TMCO4: variants seen among roughly 807,000 people sequenced by gnomAD.
TMCO4 encodes the protein transmembrane and coiled-coil domain-containing protein 4.
A neutral mutation model predicts 64.7 loss-of-function variants in TMCO4; 58 were observed. The observed-to-expected ratio is 0.90, with a 90% CI of 0.73 to 1.12. The LOEUF is 1.12. Ranked by LOEUF, TMCO4 falls within the 50% of genes most tolerant of loss-of-function variation. TMCO4 has a pLI of 0.00. For synonymous variants in TMCO4, 325 were observed against 346.1 expected (o/e 0.94, Z 0.68); for missense variants, 780 against 825.9 (o/e 0.94, Z 0.68).
intron 6 of TMCO4, among the ~76,000 whole-genome samples, chr1:19,759,960 T>C (rs2042424555): frequency 6.6e-6 from 1 of 152,182 alleles, no homozygotes; most frequent in Admixed American, 6.5e-5. Context: ...CAGGGTTCTG[T>C]GCTGTGGCCA....
intron 14 of TMCO4, among the ~76,000 whole-genome samples, chr1:19,695,828 A>C (rs2095232494): frequency 6.6e-6 from 1 of 152,160 alleles, no homozygotes; most frequent in South Asian, 2.1e-4. Flanking sequence ...TGTGTCCCGA[A>C]GTGAGATCAT....
chr1:19,760,412 G>A (rs1002848984), intron 6 of TMCO4, among the ~76,000 whole-genome samples: 2 of 151,986 alleles, frequency 1.3e-5, no homozygotes, highest in Non-Finnish European at 2.9e-5. Flanking sequence ...TTATTTCTCC[G>A]TATCTTTTTC....
At chr1:19,799,283 T>C (rs1480324441) in intron 1 of TMCO4, 1 of 152,292 alleles carries the variant, frequency 6.6e-6, no homozygotes, top group Non-Finnish European at 1.5e-5. Context: ...GGCCTCCTTG[T>C]AACATGAGGA....
intron 13 of TMCO4, among the ~76,000 whole-genome samples, chr1:19,717,865 A>T (rs1223675962): frequency 6.6e-6 from 1 of 152,104 alleles, no homozygotes; most frequent in Non-Finnish European, 1.5e-5. Context: ...TTTCTTAACT[A>T]GGTTGTAGGC....
chr1:19,753,047 C>T (rs2042089638), intron 7 of TMCO4, among the ~76,000 whole-genome samples: 2 of 151,870 alleles, frequency 1.3e-5, no homozygotes, highest in African/African-American at 4.8e-5. Flanking sequence ...GCAACCTCCG[C>T]CTCCTGGGTT....
In TMCO4 at chr1:19,694,464, C is replaced by T. The variant is rs374867779; in HGVS notation, c.1470G>A (p.Arg490=). The T allele has an allele frequency of 7.4e-5, 120 of 1,614,054 alleles. No individual in the cohort carries two copies. The highest frequency in any genetic ancestry group is 9.5e-5 in the Non-Finnish European group (112 of 1,179,994). The change falls in exon 15 of 16, where the codon AGG becomes AGA. Residue 490 remains arginine (R), a synonymous_variant. Coordinates refer to ENST00000294543, the MANE Select transcript of TMCO4 (RefSeq NM_181719.7). ...AGLQPVLLQD[R]RVENVDLTSV... ...AGGTCAGGTCCACGTTCTCCACCCT[C>T]CTGTCCTGCAGCAGCACGGGCTGTA...
intron 13 of TMCO4, among the ~76,000 whole-genome samples, chr1:19,735,676 T>C (rs565567174): frequency 6.6e-6 from 1 of 152,312 alleles, no homozygotes; most frequent in Admixed American, 6.5e-5. Context: ...TGGTAATTAA[T>C]TCAATTTGTT....
chr1:19,738,661 G>A (rs1039484973), intron 12 of TMCO4, among the ~76,000 whole-genome samples: 7 of 152,210 alleles, frequency 4.6e-5, no homozygotes, highest in South Asian at 2.1e-4. Context: ...CAAGCCTGCC[G>A]AAGGATTTTC....
At position 19,757,647 on chromosome 1, in the gene TMCO4, C is replaced by A. The variant is rs557002089; in HGVS notation, c.383-1881G>T. 6.6e-5 allele frequency among the ~76,000 whole-genome samples: 10 copies of A among 152,266 alleles called. No homozygotes were observed. The South Asian group carries it at 1.7e-3, about 25-fold the overall frequency. ...CTCTCTGAACCCTCTCTGCATCACT[C>A]CTTCCTTTGGGGGTCTGTGATCGCT... On this transcript the variant is annotated intron_variant, in intron 6 of 15. Coordinates refer to ENST00000294543, the MANE Select transcript of TMCO4 (RefSeq NM_181719.7).
intron 2 of TMCO4, among the ~76,000 whole-genome samples, chr1:19,791,726 A>T (rs2044048324): frequency 6.6e-6 from 1 of 152,196 alleles, no homozygotes; most frequent in African/African-American, 2.4e-5. Flanking sequence ...GTCACCTAAG[A>T]CACACAGGGC....
intron 15 of TMCO4, among the ~76,000 whole-genome samples, chr1:19,690,330 G>A (rs1002678000): frequency 1.3e-5 from 2 of 152,200 alleles, no homozygotes; most frequent in Non-Finnish European, 2.9e-5. Flanking sequence ...CGACTGAGCT[G>A]TTAATACACC....
Position 19,746,239 on chromosome 1 carries a change from A to G in TMCO4, c.757+217T>C, listed in dbSNP as rs553587345. On this transcript the variant is annotated intron_variant, in intron 9 of 15. Coordinates refer to ENST00000294543, the MANE Select transcript of TMCO4 (RefSeq NM_181719.7). ...TCCACTGGGGCCTTTCTCAGGAACT[A>G]CACACAAGGTGCATGGGGAAAAAGC... Among the ~76,000 whole-genome samples the G allele has an allele frequency of 5.9e-5, 9 of 152,270 alleles. No individual in the cohort carries two copies. In the South Asian group the frequency reaches 1.9e-3, roughly 32 times the overall value.
At chr1:19,796,936 A>G (rs75785915) in intron 2 of TMCO4, among the ~76,000 whole-genome samples, 6,530 of 152,250 alleles carry the variant, frequency 0.043, 297 homozygotes, top group African/African-American at 0.12. Flanking sequence ...TTTATGGTCT[A>G]TCTCCCTCAC....
At chr1:19,777,018 C>T (rs1169324393) in intron 4 of TMCO4, among the ~76,000 whole-genome samples, 7 of 113,278 alleles carry the variant, frequency 6.2e-5, no homozygotes, top group South Asian at 3.1e-4. Context: ...CAGAACGAGA[C>T]ACTGTCTCAA....
chr1:19,730,597 C>T (rs1284118608), intron 13 of TMCO4, among the ~76,000 whole-genome samples: 1 of 152,190 alleles, frequency 6.6e-6, no homozygotes, highest in Non-Finnish European at 1.5e-5. Context: ...GTTGACCACA[C>T]TGAGCTTGAG....
intron 13 of TMCO4, among the ~76,000 whole-genome samples, chr1:19,708,960 A>T (rs2095316162): frequency 6.6e-6 from 1 of 152,178 alleles, no homozygotes; most frequent in Non-Finnish European, 1.5e-5. Flanking sequence ...CAGTAAAAAG[A>T]CCTTGAAGGA....
Position 19,755,901 on chromosome 1 carries a change from A to C in TMCO4, c.383-135T>G, listed in dbSNP as rs183028021. The C allele has an allele frequency of 9.3e-4, 933 of 1,006,754 alleles. 4 individuals carry two copies. Among genetic ancestry groups the C allele is most frequent in the Admixed American group, 5.6e-3 (221 of 39,580 alleles). The allele number at this position is 1,006,754 out of a possible 1,614,324, so 62.4% of individuals were successfully genotyped here. A position where few individuals can be genotyped will look rare whatever the true frequency, so the allele number is the denominator to read the frequency against. ...CCCATGGGAGCCAGTCAATGAAAAA[A>C]ATGACACAGTTGCCTGGACAGAATA... On this transcript the variant is annotated intron_variant, in intron 6 of 15. Coordinates refer to ENST00000294543, the MANE Select transcript of TMCO4 (RefSeq NM_181719.7).
intron 4 of TMCO4, among the ~76,000 whole-genome samples, chr1:19,773,182 C>A (rs1466743101): frequency 2.0e-5 from 3 of 152,112 alleles, no homozygotes; most frequent in Non-Finnish European, 4.4e-5. Flanking sequence ...GAGTGAGACT[C>A]TGTCTCAAAA....
At chr1:19,702,095 A>G (rs12728840) in intron 13 of TMCO4, among the ~76,000 whole-genome samples, 67,928 of 151,644 alleles carry the variant, frequency 0.45, 15,549 homozygotes, top group Admixed American at 0.51. Flanking sequence ...TCAGTCTCCC[A>G]AGTAGCTGGG....
Sources: gnomAD v4.1 joint callset for allele counts (sites outside exome capture counted in the v4.1 genomes callset) on GRCh38, gnomAD v4.1.1 for gene constraint, MANE v1.5 for transcripts, NCBI Gene and HGNC (gene_info 2026-07-23, HGNC 2026-07-21) for gene names.